MAF: variants seen among roughly 807,000 people sequenced by gnomAD.
The protein encoded by MAF is transcription factor Maf.
A neutral mutation model predicts 22.0 loss-of-function variants in MAF; 10 were observed. That is an observed-to-expected ratio of 0.45 (90% CI 0.28 to 0.77). The LOEUF is 0.77. MAF is among the 30% of genes least tolerant of loss of function. The probability of loss-of-function intolerance (pLI) is 0.12; values close to 1 mark genes in which losing one functional copy is unlikely to be tolerated. For missense variants in MAF, 544 were observed against 548.4 expected (o/e 0.99, Z 0.08); for synonymous variants, 337 against 255.8 (o/e 1.32, Z -3.03).
the MAF span, among the ~76,000 whole-genome samples, chr16:79,466,182 T>C: frequency 2.0e-5 from 3 of 152,156 alleles, no homozygotes; most frequent in African/African-American, 7.2e-5. Flanking sequence ...TTTCCCTGAA[T>C]CAATGAGGCT....
At chr16:79,329,533 C>T in the MAF span, among the ~76,000 whole-genome samples, 1 of 151,860 alleles carries the variant, frequency 6.6e-6, no homozygotes. Context: ...CGTCTAGAGT[C>T]CCCCAAAATT....
chr16:79,413,530 G>A, the MAF span, among the ~76,000 whole-genome samples: 5 of 151,516 alleles, frequency 3.3e-5, no homozygotes, highest in East Asian at 3.9e-4. Flanking sequence ...ACCGCGCCCG[G>A]CCGAGCTGTG....
At chr16:79,535,943 G>C in the MAF span, among the ~76,000 whole-genome samples, 1 of 152,240 alleles carries the variant, frequency 6.6e-6, no homozygotes, top group South Asian at 2.1e-4. Flanking sequence ...GTCAAGGACA[G>C]AGTTGCGTAT....
At chr16:79,416,137 G>A in the MAF span, among the ~76,000 whole-genome samples, 4 of 152,262 alleles carry the variant, frequency 2.6e-5, no homozygotes, top group South Asian at 6.2e-4. Context: ...GCTGCCACCC[G>A]CGGCACAGGA....
At chr16:79,390,992 T>C in the MAF span, among the ~76,000 whole-genome samples, 1 of 152,162 alleles carries the variant, frequency 6.6e-6, no homozygotes, top group African/African-American at 2.4e-5. Context: ...CAGAAGTGCA[T>C]TGTCTCGATG....
At chr16:79,273,850 C>G in the MAF span, among the ~76,000 whole-genome samples, 1 of 151,572 alleles carries the variant, frequency 6.6e-6, no homozygotes, top group Non-Finnish European at 1.5e-5. Flanking sequence ...TTCACAGGTT[C>G]TAGGGATTGG....
chr16:79,329,423 C>G, the MAF span, among the ~76,000 whole-genome samples: 1 of 152,138 alleles, frequency 6.6e-6, no homozygotes, highest in Non-Finnish European at 1.5e-5. Flanking sequence ...ACACCGGTAT[C>G]TGGTAATTTT....
the MAF span, among the ~76,000 whole-genome samples, chr16:79,437,677 C>G: frequency 4.6e-5 from 7 of 152,196 alleles, no homozygotes; most frequent in East Asian, 1.2e-3. Flanking sequence ...GGACTGGCCT[C>G]TGAAAACCCT....
At chr16:79,434,857 A>T in the MAF span, among the ~76,000 whole-genome samples, 2 of 152,184 alleles carry the variant, frequency 1.3e-5, no homozygotes, top group Non-Finnish European at 2.9e-5. Flanking sequence ...TCAGCTTTTC[A>T]TGGATTAGAA....
At chr16:79,505,418 G>A in the MAF span, among the ~76,000 whole-genome samples, 1 of 152,132 alleles carries the variant, frequency 6.6e-6, no homozygotes, top group Admixed American at 6.5e-5. Context: ...ACGGGACAGG[G>A]GGGAAGCTTG....
chr16:79,458,072 C>A, the MAF span, among the ~76,000 whole-genome samples: 2,688 of 148,656 alleles, frequency 0.018, 98 homozygotes, highest in African/African-American at 0.063. Flanking sequence ...CATCATCCCA[C>A]CATCCAAAGA....
At chr16:79,579,654 T>A in the MAF span, among the ~76,000 whole-genome samples, 1 of 152,150 alleles carries the variant, frequency 6.6e-6, no homozygotes. Flanking sequence ...AAAGAAATAG[T>A]AAAAAGATGC....
the MAF span, among the ~76,000 whole-genome samples, chr16:79,477,958 G>A: frequency 1.4e-5 from 2 of 140,150 alleles, no homozygotes; most frequent in South Asian, 2.3e-4. Flanking sequence ...TCCTGACCTC[G>A]TGATCCTCCT....
the MAF span, among the ~76,000 whole-genome samples, chr16:79,454,470 G>A: frequency 0.023 from 3,434 of 152,236 alleles, 133 homozygotes; most frequent in African/African-American, 0.079. Flanking sequence ...AACCCAGCTA[G>A]TAGCATAGAG....
the MAF span, among the ~76,000 whole-genome samples, chr16:79,518,061 C>T: frequency 6.6e-6 from 1 of 152,202 alleles, no homozygotes; most frequent in African/African-American, 2.4e-5. Flanking sequence ...TCACTTGATG[C>T]CGGGCATCCT....
the MAF span, among the ~76,000 whole-genome samples, chr16:79,447,416 T>C: frequency 1.3e-5 from 2 of 152,056 alleles, no homozygotes; most frequent in African/African-American, 4.8e-5. Flanking sequence ...CTGATGGAGA[T>C]GTACAAGGTG....
At chr16:79,455,302 G>GTAAA in the MAF span, among the ~76,000 whole-genome samples, 25 of 151,872 alleles carry the variant, frequency 1.6e-4, no homozygotes, top group African/African-American at 4.8e-4. Flanking sequence ...TCTCTTTGGG[G>GTAAA]TAAATAAATA....
chr16:79,207,312 C>T, the MAF span, among the ~76,000 whole-genome samples: 6 of 152,238 alleles, frequency 3.9e-5, no homozygotes, highest in Non-Finnish European at 8.8e-5. Flanking sequence ...TGGAAGTAGG[C>T]AGGGTTTGAA....
At chr16:79,224,394 G>C in the MAF span, among the ~76,000 whole-genome samples, 1 of 152,128 alleles carries the variant, frequency 6.6e-6, no homozygotes, top group Non-Finnish European at 1.5e-5. Context: ...CACACCCATA[G>C]CCAATATCAT....
Sources: gnomAD v4.1 joint callset for allele counts (sites outside exome capture counted in the v4.1 genomes callset) on GRCh38, gnomAD v4.1.1 for gene constraint, MANE v1.5 for transcripts, NCBI Gene and HGNC (gene_info 2026-07-23, HGNC 2026-07-21) for gene names.